Variants in ZHX2 observed in about 807,000 individuals in gnomAD.
ZHX2 encodes the protein zinc fingers and homeoboxes 2.
A neutral mutation model predicts 21.9 loss-of-function variants in ZHX2; 6 were observed. That is an observed-to-expected ratio of 0.27 (90% CI 0.15 to 0.54). ZHX2 has a LOEUF of 0.54. ZHX2 is among the 20% of genes least tolerant of loss of function. The pLI is 0.95. For synonymous variants in ZHX2, 434 were observed against 437.1 expected, an observed-to-expected ratio of 0.99 and a Z score of 0.09; for missense variants, 908 against 1,090.7, an observed-to-expected ratio of 0.83 and a Z score of 2.36.
chr8:122,846,960 CA>C (rs1328619990), intron 1 of ZHX2, among the ~76,000 whole-genome samples: 1 of 152,130 alleles, frequency 6.6e-6, no homozygotes, highest in African/African-American at 2.4e-5. Context: ...AGCATTAAAA[CA>C]TTAAAAGAGT....
chr8:122,932,735 A>G (rs1358515860), intron 2 of ZHX2, among the ~76,000 whole-genome samples: 1 of 152,176 alleles, frequency 6.6e-6, no homozygotes, highest in African/African-American at 2.4e-5. Context: ...CCTTAATCAC[A>G]CTGTCAAATT....
At chr8:122,791,388 G>A (rs1248041231) in intron 1 of ZHX2, among the ~76,000 whole-genome samples, 1 of 152,180 alleles carries the variant, frequency 6.6e-6, no homozygotes, top group Non-Finnish European at 1.5e-5. Context: ...AGCCCAAGTA[G>A]CTGATTGGGA....
rs968406136 is a variant in ZHX2, at chr8:122,820,154, A to G, written c.-283+38208A>G. On this transcript the variant is annotated intron_variant, in intron 1 of 3. Transcript: ENST00000314393. ...GCCATTCTTACTCAAACCCAGGGGG[A>G]AAAGCCGGCTGCTCTCCAGTCCCTG... Among the ~76,000 whole-genome samples the G allele has an allele frequency of 5.3e-5, 8 of 152,106 alleles. 1 individual carries two copies. The highest frequency in any genetic ancestry group is 2.0e-4 in the Admixed American group (3 of 15,276).
chr8:122,850,554 C>T (rs1586325365), intron 1 of ZHX2, among the ~76,000 whole-genome samples: 2 of 150,344 alleles, frequency 1.3e-5, no homozygotes, highest in South Asian at 2.1e-4. Context: ...GCAGAAGAAT[C>T]GCTTGAGCCT....
At chr8:122,826,941 T>G (rs1253570832) in intron 1 of ZHX2, among the ~76,000 whole-genome samples, 2 of 152,176 alleles carry the variant, frequency 1.3e-5, no homozygotes, top group Non-Finnish European at 2.9e-5. Context: ...GAGTTTTAGG[T>G]TGAACAGGGT....
chr8:122,854,103 T>C (rs981505371), intron 1 of ZHX2, among the ~76,000 whole-genome samples: 79 of 152,296 alleles, frequency 5.2e-4, no homozygotes, highest in African/African-American at 1.6e-3. Flanking sequence ...CTGGACCAGC[T>C]GAGGCGTGCT....
intron 2 of ZHX2, among the ~76,000 whole-genome samples, chr8:122,874,530 A>C (rs370841800): frequency 6.6e-6 from 1 of 152,198 alleles, no homozygotes; most frequent in African/African-American, 2.4e-5. Context: ...ATGGGGTTTC[A>C]CCACGATGGC....
At chr8:122,919,270 C>T (rs1217114769) in intron 2 of ZHX2, among the ~76,000 whole-genome samples, 1 of 152,190 alleles carries the variant, frequency 6.6e-6, no homozygotes, top group Non-Finnish European at 1.5e-5. Context: ...TTCTTATGTA[C>T]ATTAGCTGTA....
intron 2 of ZHX2, among the ~76,000 whole-genome samples, chr8:122,877,082 A>G (rs1359029377): frequency 2.0e-5 from 3 of 152,172 alleles, no homozygotes; most frequent in East Asian, 3.8e-4. Context: ...TGAGTGAATA[A>G]CTATAGTAAA....
In ZHX2 at chr8:122,953,516, G is replaced by T; in HGVS notation, c.2006G>T (p.Arg669Leu). ...TTAGCGGCCAAGACTGGCCTGGTCCGAACTGAGATTGTGCGTTGGTTCAAG... is the reference window on the plus strand; with the variant it reads ...TTAGCGGCCAAGACTGGCCTGGTCCTAACTGAGATTGTGCGTTGGTTCAAG... ...DQLAAKTGLV[R>L]TEIVRWFKEN... Residue 669 changes from arginine to leucine, a missense_variant, in exon 3 of 4, where the codon CGA (arginine) becomes CTA (leucine). Transcript: ENST00000314393. This position sits in a 1 kb window ranked among gnomAD's most constrained non-coding sequence, Gnocchi z 4.6. 1.2e-6 allele frequency: 2 copies of T among 1,614,216 alleles called. No homozygotes were observed. The highest frequency in any genetic ancestry group is 1.7e-6 in the Non-Finnish European group (2 of 1,180,048).
chr8:122,838,866 T>A (rs1471004073), intron 1 of ZHX2, among the ~76,000 whole-genome samples: 3 of 152,130 alleles, frequency 2.0e-5, no homozygotes, highest in Admixed American at 6.5e-5. Context: ...TGAGCCACCA[T>A]GCCTGGCCAA....
intron 1 of ZHX2, among the ~76,000 whole-genome samples, chr8:122,854,895 A>G (rs1818992884): frequency 6.6e-6 from 1 of 152,182 alleles, no homozygotes; most frequent in African/African-American, 2.4e-5. Context: ...GCTCCTCTAC[A>G]TGATTTCAAG....
chr8:122,863,282 T>C (rs1819211253), intron 1 of ZHX2, 195 bp from the exon 2 acceptor site: 1 of 151,888 alleles, frequency 6.6e-6, no homozygotes, highest in African/African-American at 2.4e-5. Flanking sequence ...TTTTTTCTTT[T>C]TTTCTTTCTC....
intron 1 of ZHX2, among the ~76,000 whole-genome samples, chr8:122,833,490 T>A (rs1167689011): frequency 6.6e-6 from 1 of 152,036 alleles, no homozygotes; most frequent in Non-Finnish European, 1.5e-5. Context: ...TGTGGAAGTA[T>A]CCTAAACTGC....
chr8:122,899,389 T>C (rs1264856999), intron 2 of ZHX2, among the ~76,000 whole-genome samples: 1 of 152,200 alleles, frequency 6.6e-6, no homozygotes, highest in Non-Finnish European at 1.5e-5. Context: ...ACACAGATCC[T>C]GCGTGGCTCA....
chr8:122,913,802 T>C (rs1820536004), intron 2 of ZHX2, among the ~76,000 whole-genome samples: 1 of 152,206 alleles, frequency 6.6e-6, no homozygotes, highest in Non-Finnish European at 1.5e-5. Flanking sequence ...GTGACCCCCT[T>C]ACTTGGTCCT....
intron 3 of ZHX2, among the ~76,000 whole-genome samples, chr8:122,957,400 T>C (rs138212864): frequency 0.011 from 1,720 of 152,192 alleles, 26 homozygotes; most frequent in Middle Eastern, 0.037. Context: ...TGCTAAGATC[T>C]GTTCCACGTG....
At chr8:122,947,935 C>T (rs556705388) in intron 2 of ZHX2, among the ~76,000 whole-genome samples, 358 of 151,770 alleles carry the variant, frequency 2.4e-3, no homozygotes, top group African/African-American at 8.1e-3. Flanking sequence ...TCATGGCAGG[C>T]GGAGGCTGGA....
At chr8:122,926,861 CTGGA>C (rs1234855910) in intron 2 of ZHX2, among the ~76,000 whole-genome samples, 2 of 152,188 alleles carry the variant, frequency 1.3e-5, no homozygotes, top group Non-Finnish European at 2.9e-5. Context: ...GCTCTTCTGT[CTGGA>C]ATCTCCCTCT....
Sources: allele counts gnomAD v4.1 joint callset (sites outside exome capture counted in the v4.1 genomes callset), GRCh38; gene constraint gnomAD v4.1.1; non-coding constraint Gnocchi (gnomAD v3.1); transcripts MANE v1.5; gene names NCBI Gene and HGNC (gene_info 2026-07-23, HGNC 2026-07-21).